Variants in MTRF1 observed in about 807,000 individuals in gnomAD.
MTRF1 encodes peptide chain release factor 1, mitochondrial.
MTRF1 carries 51 observed loss-of-function variants against 62.9 expected under a neutral mutation model. That is an observed-to-expected ratio of 0.81 (90% CI 0.65 to 1.02). The LOEUF is 1.02. Ranked by LOEUF, MTRF1 falls within the 50% of genes least tolerant of loss-of-function variation. The probability of loss-of-function intolerance (pLI) is 0.00; values close to 1 mark genes in which losing one functional copy is unlikely to be tolerated. For missense variants in MTRF1, 446 were observed against 530.0 expected, an observed-to-expected ratio of 0.84 and a Z score of 1.56; for synonymous variants, 158 against 181.9, an observed-to-expected ratio of 0.87 and a Z score of 1.06.
At chr13:41,254,494 G>T (rs2039471017) in intron 3 of MTRF1, 35 bp downstream of exon 3, 2 of 1,478,710 alleles carry the variant, frequency 1.4e-6, no homozygotes, top group African/African-American at 1.4e-5. Context: ...CCTTTATACA[G>T]CACTATTGAA....
intron 9 of MTRF1, among the ~76,000 whole-genome samples, chr13:41,217,530 T>A (rs1215264386): frequency 6.6e-6 from 1 of 152,144 alleles, no homozygotes; most frequent in African/African-American, 2.4e-5. Context: ...CCCTTTAAAA[T>A]TCCACTGATT....
the MTRF1 span, among the ~76,000 whole-genome samples, chr13:41,301,129 G>A: frequency 2.0e-5 from 3 of 152,164 alleles, no homozygotes; most frequent in Non-Finnish European, 4.4e-5. Flanking sequence ...TACAGTAATT[G>A]AGAAGAGAAA....
chr13:41,275,078 G>GTTAA, the MTRF1 span, among the ~76,000 whole-genome samples: 2 of 152,156 alleles, frequency 1.3e-5, no homozygotes, highest in African/African-American at 4.8e-5. Context: ...TATGCATGAT[G>GTTAA]TTAACATCGT....
At chr13:41,300,092 CAG>C in the MTRF1 span, among the ~76,000 whole-genome samples, 2 of 152,162 alleles carry the variant, frequency 1.3e-5, no homozygotes, top group Non-Finnish European at 2.9e-5. Flanking sequence ...AGTGAAGTGA[CAG>C]TGATCACTGG....
At chr13:41,249,500 C>A (rs746511024) in intron 5 of MTRF1, among the ~76,000 whole-genome samples, 14 of 151,778 alleles carry the variant, frequency 9.2e-5, no homozygotes, top group Non-Finnish European at 1.8e-4. Flanking sequence ...GATATCACGC[C>A]ACTGCACTCC....
intron 5 of MTRF1, among the ~76,000 whole-genome samples, chr13:41,240,916 A>G (rs1189226103): frequency 2.0e-5 from 3 of 152,222 alleles, no homozygotes; most frequent in Non-Finnish European, 4.4e-5. Flanking sequence ...CAATAGGAGA[A>G]TAATTTCATA....
At chr13:41,288,439 G>A in the MTRF1 span, 11 of 171,030 alleles carry the variant, frequency 6.4e-5, no homozygotes, top group African/African-American at 7.2e-5. Context: ...TGCCAAGGTC[G>A]TTGTCCATGC....
At position 41,260,902 on chromosome 13, in the gene MTRF1, A is replaced by G. The variant is rs2040370713; in HGVS notation, c.6T>C (p.Asn2=). 2 of 1,597,528 alleles carry G rather than the reference A, an allele frequency of 1.3e-6. No homozygotes were observed. Among genetic ancestry groups the G allele is most frequent in the African/African-American group, 2.7e-5 (2 of 74,004 alleles). ...TAAAAAGCCAAACACACAGGTGACGATTCATCTCAGCATCTGAAATACAAT... is the reference window on the plus strand; with the variant it reads ...TAAAAAGCCAAACACACAGGTGACGGTTCATCTCAGCATCTGAAATACAAT... The part of the protein sequence containing the change: M[N]RHLCVWLFRH... The change falls in exon 2 of 10, where the codon AAT becomes AAC. Residue 2 remains asparagine, a synonymous_variant. Coordinates refer to ENST00000379480, the MANE Select transcript of MTRF1 (RefSeq NM_004294.4).
At chr13:41,295,209 A>T in the MTRF1 span, among the ~76,000 whole-genome samples, 4 of 152,144 alleles carry the variant, frequency 2.6e-5, no homozygotes, top group Non-Finnish European at 5.9e-5. Context: ...GTGGCCTGAC[A>T]CTGAAATGTT....
At chr13:41,229,951 A>C (rs961921126) in intron 7 of MTRF1, among the ~76,000 whole-genome samples, 1 of 152,012 alleles carries the variant, frequency 6.6e-6, no homozygotes, top group Non-Finnish European at 1.5e-5. Context: ...AAATACAAAA[A>C]TTAGCCAGGT....
chr13:41,254,447 T>A, intron 3 of MTRF1, 82 bp downstream of exon 3: 1 of 933,632 alleles, frequency 1.1e-6, no homozygotes. Flanking sequence ...TGGAAACCAC[T>A]ATGAGCACCG....
intron 2 of MTRF1, among the ~76,000 whole-genome samples, chr13:41,258,209 G>A (rs528878317): frequency 6.6e-6 from 1 of 152,206 alleles, no homozygotes; most frequent in South Asian, 2.1e-4. Context: ...AAAAATGGAA[G>A]GCTTCAAAAA....
chr13:41,252,565 G>T, intron 5 of MTRF1, 80 bp downstream of exon 5: 1 of 1,077,546 alleles, frequency 9.3e-7, no homozygotes. Context: ...AAAAAAAAAT[G>T]GGACAATATG....
At chr13:41,222,682 A>G in intron 9 of MTRF1, among the ~76,000 whole-genome samples, 1 of 152,230 alleles carries the variant, frequency 6.6e-6, no homozygotes, top group Admixed American at 6.5e-5. Flanking sequence ...TACGCGCTGA[A>G]AAGCAGCCTC....
the MTRF1 span, among the ~76,000 whole-genome samples, chr13:41,298,396 T>TTTTTTTTC: frequency 1 from 150,025 of 150,656 alleles, 74,700 homozygotes; most frequent in Middle Eastern, 1. Context: ...ATTACGAAGT[T>TTTTTTTTC]ACACTCTCAT....
intron 6 of MTRF1, among the ~76,000 whole-genome samples, chr13:41,238,298 A>T (rs2036991268): frequency 6.6e-6 from 1 of 152,198 alleles, no homozygotes; most frequent in Admixed American, 6.5e-5. Context: ...AAAGGACAAA[A>T]GAGGTACCCT....
rs566834747 is a variant in MTRF1 at position 41,234,111 on chromosome 13, A to C, written c.871-104T>G. ...ACTGTATTGTTTTAAGATAAATTAT[A>C]GCCTTTAGACTAAGAGAAGTAACTT... On this transcript the variant is annotated intron_variant, in intron 6 of 9. Transcript: ENST00000379480. 65 of 904,084 alleles carry C rather than the reference A, an allele frequency of 7.2e-5. No individual in the cohort carries two copies. The South Asian group carries it at 9.7e-4, about 13-fold the overall frequency. 56.0% of individuals were successfully genotyped at this position (904,084 alleles called of 1,614,324 possible).
chr13:41,280,176 C>G, the MTRF1 span, among the ~76,000 whole-genome samples: 1 of 152,128 alleles, frequency 6.6e-6, no homozygotes, highest in Non-Finnish European at 1.5e-5. Context: ...ACCTTGTGAT[C>G]CGCCCACCCT....
At chr13:41,275,806 T>C in the MTRF1 span, among the ~76,000 whole-genome samples, 1 of 152,200 alleles carries the variant, frequency 6.6e-6, no homozygotes. Context: ...GAACAGTTTT[T>C]ATATTTTATT....
Sources: gnomAD v4.1 joint callset for allele counts (sites outside exome capture counted in the v4.1 genomes callset) on GRCh38, gnomAD v4.1.1 for gene constraint, MANE v1.5 for transcripts, NCBI Gene and HGNC (gene_info 2026-07-23, HGNC 2026-07-21) for gene names.